Variants in BACE2 observed in about 807,000 individuals in gnomAD.
The protein encoded by BACE2 is beta-secretase 2.
A neutral mutation model predicts 46.2 loss-of-function variants in BACE2; 17 were observed. That is an observed-to-expected ratio of 0.37 (90% CI 0.25 to 0.55). The LOEUF is 0.55. Ranked by LOEUF, BACE2 falls within the 20% of genes least tolerant of loss-of-function variation. BACE2 has a pLI of 0.82. For missense variants in BACE2, 595 were observed against 698.1 expected (o/e 0.85, Z 1.66); for synonymous variants, 277 against 295.9 (o/e 0.94, Z 0.66).
At chr21:41,215,191 C>T (rs1178286781) in intron 1 of BACE2, among the ~76,000 whole-genome samples, 13 of 152,088 alleles carry the variant, frequency 8.5e-5, no homozygotes, top group Non-Finnish European at 1.8e-4. Flanking sequence ...GGGAGGTGGC[C>T]CACTGCTGGA....
chr21:41,245,210 C>T (rs936780620), intron 5 of BACE2, among the ~76,000 whole-genome samples: 1 of 152,242 alleles, frequency 6.6e-6, no homozygotes, highest in South Asian at 2.1e-4. Flanking sequence ...CTGAACCCCT[C>T]TTCCCTTATT....
intron 1 of BACE2, among the ~76,000 whole-genome samples, chr21:41,198,849 TTTTA>T (rs3838112): frequency 0.03 from 4,161 of 140,076 alleles, 88 homozygotes; most frequent in Middle Eastern, 0.093. Flanking sequence ...TCTGTACGCT[TTTTA>T]TTTATTTATT....
chr21:41,223,856 T>G (rs1384264532), intron 1 of BACE2, among the ~76,000 whole-genome samples: 1 of 152,140 alleles, frequency 6.6e-6, no homozygotes, highest in Non-Finnish European at 1.5e-5. Context: ...TTCGTCAACA[T>G]GCGGATGGCA....
At chr21:41,226,153 TCCAA>T in intron 1 of BACE2, 109 bp from the exon 2 acceptor site, 1 of 792,160 alleles carries the variant, frequency 1.3e-6, no homozygotes, top group African/African-American at 1.7e-5. Context: ...TTTTTTTTGT[TCCAA>T]CTGATAAATT....
chr21:41,182,062 G>A (rs765376697), intron 1 of BACE2: 1 of 167,056 alleles, frequency 6.0e-6, no homozygotes. Flanking sequence ...AGGAGGAGGT[G>A]GCTGGTTAAA....
chr21:41,246,946 C>T (rs1018952894), intron 6 of BACE2, among the ~76,000 whole-genome samples: 1 of 152,158 alleles, frequency 6.6e-6, no homozygotes, highest in Admixed American at 6.5e-5. Flanking sequence ...CATGCAACCA[C>T]GGCGTTGCTG....
intron 8 of BACE2, among the ~76,000 whole-genome samples, chr21:41,260,835 A>G (rs763271896): frequency 6.6e-6 from 1 of 152,170 alleles, no homozygotes; most frequent in Non-Finnish European, 1.5e-5. Flanking sequence ...TCTTGGAAAC[A>G]TCCTACCGTA....
At chr21:41,248,833 G>A (rs1385676133) in intron 6 of BACE2, among the ~76,000 whole-genome samples, 1 of 152,184 alleles carries the variant, frequency 6.6e-6, no homozygotes, top group Non-Finnish European at 1.5e-5. Context: ...TGTTTTTTCA[G>A]TTGTGGTCTT....
chr21:41,206,355 C>T (rs1047998199), intron 1 of BACE2, among the ~76,000 whole-genome samples: 12 of 152,176 alleles, frequency 7.9e-5, no homozygotes, highest in Admixed American at 5.9e-4. Flanking sequence ...TCCCAAAGGC[C>T]CTGCCTCCTA....
At chr21:41,241,199 C>G (rs1987276669) in intron 3 of BACE2, among the ~76,000 whole-genome samples, 1 of 152,164 alleles carries the variant, frequency 6.6e-6, no homozygotes, top group Admixed American at 6.5e-5. Flanking sequence ...GAGGGAGACA[C>G]AGAGCACACG....
intron 8 of BACE2, among the ~76,000 whole-genome samples, chr21:41,268,404 G>A (rs190995360): frequency 5.8e-4 from 89 of 152,272 alleles, no homozygotes; most frequent in African/African-American, 1.9e-3. Context: ...AATTAGTAGC[G>A]TAAGTAATAA....
chr21:41,173,365 T>A (rs1278187297), intron 1 of BACE2, among the ~76,000 whole-genome samples: 1 of 152,132 alleles, frequency 6.6e-6, no homozygotes, highest in Non-Finnish European at 1.5e-5. Context: ...GGGCTTAGGG[T>A]GGGAGAAGGA....
At chr21:41,238,575 T>C (rs1408232520) in intron 3 of BACE2, among the ~76,000 whole-genome samples, 2 of 151,800 alleles carry the variant, frequency 1.3e-5, no homozygotes, top group African/African-American at 2.4e-5. Context: ...AATGATAGAC[T>C]GGATTAAGAA....
At chr21:41,194,874 C>G (rs994855715) in intron 1 of BACE2, among the ~76,000 whole-genome samples, 1 of 152,192 alleles carries the variant, frequency 6.6e-6, no homozygotes, top group Non-Finnish European at 1.5e-5. Context: ...CAAAGCATGG[C>G]AGGACACATC....
At position 41,168,391 on chromosome 21, in the gene BACE2, T is replaced by C; in HGVS notation, c.128T>C (p.Val43Ala). 1 of 1,415,138 alleles carries C rather than the reference T, an allele frequency of 7.1e-7. No homozygotes were observed. Among genetic ancestry groups the C allele is most frequent in the African/African-American group, 1.5e-5 (1 of 66,330 alleles). The allele number at this position is 1,415,138 out of a possible 1,614,324, so 87.7% of individuals were successfully genotyped here. A position where few individuals can be genotyped will look rare whatever the true frequency, so the allele number is the denominator to read the frequency against. The change falls in exon 1 of 9, where the codon GTT (valine) becomes GCT (alanine). Residue 43 changes from valine (V) to alanine (A), a missense_variant. Transcript: ENST00000330333. ...GTGGCCGCGGCCACGAACCGCGTAGTTGCGCCCACCCCGGGACCCGGGACC... is the reference window on the plus strand; with the variant it reads ...GTGGCCGCGGCCACGAACCGCGTAGCTGCGCCCACCCCGGGACCCGGGACC... The part of the protein sequence containing the change: ...LRVAAATNRV[V>A]APTPGPGTPA...
intron 6 of BACE2, among the ~76,000 whole-genome samples, chr21:41,247,813 T>C (rs1987516937): frequency 6.6e-6 from 1 of 152,184 alleles, no homozygotes; most frequent in Non-Finnish European, 1.5e-5. Flanking sequence ...GGGAGAAACA[T>C]GGGAAGGTTG....
chr21:41,268,115 G>T (rs965902448), intron 8 of BACE2, among the ~76,000 whole-genome samples: 1 of 152,162 alleles, frequency 6.6e-6, no homozygotes. Flanking sequence ...ACGTAGCACC[G>T]ATCTTAGCCC....
In BACE2 at chr21:41,207,538, G is replaced by A. The variant is rs191889698; in HGVS notation, c.313-18728G>A. On this transcript the variant is annotated intron_variant, in intron 1 of 8. Transcript: ENST00000330333. ...TTGTGTAACCTCAGAGGCTTCCAGG[G>A]AAACTCCAGTCCCAGGGAGAGAGTG... is the stretch of plus-strand genomic sequence containing the variant. Among the ~76,000 whole-genome samples the A allele has an allele frequency of 1.2e-4, 18 of 152,272 alleles. 1 individual carries two copies. The East Asian group carries it at 3.5e-3, about 29-fold the overall frequency.
intron 4 of BACE2, among the ~76,000 whole-genome samples, chr21:41,242,224 G>A (rs1156294144): frequency 6.6e-6 from 1 of 152,060 alleles, no homozygotes; most frequent in Non-Finnish European, 1.5e-5. Flanking sequence ...TTCTGTGGGT[G>A]GGGGAGGGAC....
Sources: gnomAD v4.1 joint callset for allele counts (sites outside exome capture counted in the v4.1 genomes callset) on GRCh38, gnomAD v4.1.1 for gene constraint, MANE v1.5 for transcripts, NCBI Gene and HGNC (gene_info 2026-07-23, HGNC 2026-07-21) for gene names.